The following CFAP47 variants were observed in gnomAD, a reference collection of about 807,000 sequenced individuals.
CFAP47 encodes cilia- and flagella-associated protein 47.
In CFAP47, 29 loss-of-function variants were observed where a neutral mutation model predicts 148.1. That is an observed-to-expected ratio of 0.20 (90% confidence interval 0.15 to 0.27). CFAP47 has a LOEUF of 0.27. CFAP47 is among the 10% of genes least tolerant of loss of function. CFAP47 has a pLI of 1.00. For missense variants in CFAP47, 1,872 were observed against 1,697.5 expected (o/e 1.10, Z -1.81); for synonymous variants, 664 against 577.3 (o/e 1.15, Z -2.15).
chrX:36,269,934 A>G (rs1162542385), intron 49 of CFAP47, among the ~76,000 whole-genome samples: 1 of 111,801 alleles, frequency 8.9e-6, no homozygotes, highest in Non-Finnish European at 1.9e-5. Flanking sequence ...ATGCTGTTTT[A>G]TTTTGTGCAA....
At chrX:36,380,723 G>A (rs1049258574) in intron 63 of CFAP47, among the ~76,000 whole-genome samples, 1 of 112,548 alleles carries the variant, frequency 8.9e-6, no homozygotes, top group African/African-American at 3.2e-5. Flanking sequence ...GATTACAGGC[G>A]TGAGCCACCA....
intron 21 of CFAP47, among the ~76,000 whole-genome samples, chrX:36,013,811 C>T (rs752727527): frequency 7.1e-5 from 8 of 112,014 alleles, no homozygotes; most frequent in Non-Finnish European, 1.5e-4. Flanking sequence ...AATTCATCCA[C>T]ATTATTGTAT....
Position 35,975,580 on chromosome X carries a change from A to G in CFAP47, c.2472-92A>G, listed in dbSNP as rs764606325. On this transcript the variant is annotated intron_variant, in intron 14 of 63. Coordinates refer to ENST00000378653, the MANE Select transcript of CFAP47 (RefSeq NM_001304548.2). ...TTACGTGCTAAGAATTGTGGATGTT[A>G]ATCAATGCTATGTGCATTTTACGTG... is the stretch of plus-strand genomic sequence containing the variant. The G allele has an allele frequency of 9.5e-5, 88 of 922,027 alleles. No individual in the cohort carries two copies. The African/African-American group carries it at 1.4e-3, about 15-fold the overall frequency. 76.0% of individuals were successfully genotyped at this position (922,027 alleles called of 1,213,427 possible). A position where few individuals can be genotyped will look rare whatever the true frequency, so the allele number is the denominator to read the frequency against.
intron 29 of CFAP47, among the ~76,000 whole-genome samples, chrX:36,076,914 A>G (rs1601963428): frequency 1.8e-5 from 2 of 111,641 alleles, no homozygotes; most frequent in South Asian, 3.7e-4. Context: ...GAATTTTTGT[A>G]TATGGTGAAA....
At chrX:36,197,491 C>T (rs1019787297) in intron 42 of CFAP47, among the ~76,000 whole-genome samples, 2 of 111,705 alleles carry the variant, frequency 1.8e-5, no homozygotes, top group Non-Finnish European at 3.8e-5. Flanking sequence ...TATCTAATTT[C>T]GTTGTTTTAT....
chrX:35,999,514 T>C (rs1936889941), intron 19 of CFAP47, among the ~76,000 whole-genome samples: 1 of 112,051 alleles, frequency 8.9e-6, no homozygotes, highest in South Asian at 3.7e-4. Context: ...TGAATCACGC[T>C]AAGGTCCAGT....
intron 56 of CFAP47, among the ~76,000 whole-genome samples, chrX:36,313,539 T>TATC (rs1941410684): frequency 1.8e-5 from 2 of 111,463 alleles, no homozygotes; most frequent in South Asian, 7.5e-4. Context: ...AGCTAAACCA[T>TATC]ATCAAATACC....
chrX:36,236,126 G>A, intron 47 of CFAP47, 49 bp downstream of exon 47: 1 of 397,975 alleles, frequency 2.5e-6, no homozygotes, highest in Admixed American at 4.6e-5. Context: ...AGTATCATTA[G>A]TTAATAAACT....
chrX:36,257,396 A>G (rs1403793966), intron 49 of CFAP47, among the ~76,000 whole-genome samples: 1 of 110,698 alleles, frequency 9.0e-6, no homozygotes, highest in Non-Finnish European at 1.9e-5. Context: ...ATTACACAAC[A>G]AGAATATTTT....
intron 57 of CFAP47, among the ~76,000 whole-genome samples, chrX:36,326,734 G>A (rs1216586823): frequency 9.0e-6 from 1 of 111,696 alleles, no homozygotes; most frequent in Admixed American, 9.6e-5. Flanking sequence ...TGACCTGGGA[G>A]CTCTTAAGAG....
chrX:36,105,742 A>T (rs1938456116), intron 33 of CFAP47, among the ~76,000 whole-genome samples: 1 of 112,409 alleles, frequency 8.9e-6, no homozygotes, highest in African/African-American at 3.2e-5. Flanking sequence ...ACTACACAAA[A>T]ACACATAAAA....
chrX:36,044,472 T>C (rs1203074763), intron 25 of CFAP47, among the ~76,000 whole-genome samples: 1 of 112,648 alleles, frequency 8.9e-6, no homozygotes. Flanking sequence ...AAAACTTGAA[T>C]GCTTTGCTGC....
intron 56 of CFAP47, among the ~76,000 whole-genome samples, chrX:36,317,237 A>T (rs1265292279): frequency 9.0e-6 from 1 of 111,717 alleles, no homozygotes; most frequent in Non-Finnish European, 1.9e-5. Flanking sequence ...GCATGGTTTT[A>T]TACTTAAGAA....
chrX:36,095,981 T>G (rs1323849337), intron 30 of CFAP47, among the ~76,000 whole-genome samples: 1 of 111,223 alleles, frequency 9.0e-6, no homozygotes. Context: ...TTTTGAAGTA[T>G]GTACTTACAG....
Position 36,367,109 on chromosome X carries a change from G to A in CFAP47, c.9167G>A (p.Arg3056Lys), listed in dbSNP as rs782124258. 53 of 1,150,733 alleles carry A rather than the reference G, an allele frequency of 4.6e-5. No homozygotes were observed. Among genetic ancestry groups the A allele is most frequent in the Non-Finnish European group, 6.1e-5 (53 of 863,555 alleles). 94.8% of individuals were successfully genotyped at this position (1,150,733 alleles called of 1,213,427 possible). Reference protein sequence around the residue: ...GLFKESVFELRLKSQTRNPEP... With the variant: ...GLFKESVFELKLKSQTRNPEP... ...TTTAAGGAATCTGTTTTTGAACTTAGGCTGAAAAGTCAGACAAGGTAATAT... is the reference window on the plus strand; with the variant it reads ...TTTAAGGAATCTGTTTTTGAACTTAAGCTGAAAAGTCAGACAAGGTAATAT... The change falls in exon 62 of 64, where the codon AGG becomes AAG. Residue 3056 changes from arginine to lysine, a missense_variant. Transcript: ENST00000378653.
At chrX:36,230,413 G>C (rs1325474449) in intron 46 of CFAP47, among the ~76,000 whole-genome samples, 4 of 109,363 alleles carry the variant, frequency 3.7e-5, no homozygotes, top group Admixed American at 9.8e-5. Flanking sequence ...GTCTTCTTTT[G>C]AGAAGTGTCT....
Position 36,302,154 on chromosome X carries a change from G to A in CFAP47, c.7970+975G>A, listed in dbSNP as rs782627742. 8.7e-4 allele frequency among the ~76,000 whole-genome samples: 95 copies of A among 109,710 alleles called. 2 individuals carry two copies. The South Asian group carries it at 0.035, about 41-fold the overall frequency. ...GCAGATGCTTACCAAAAAATGATGG[G>A]AAATCTGTCATGATTTTTAGTGTAT... On this transcript the variant is annotated intron_variant, in intron 53 of 63. Coordinates refer to ENST00000378653, the MANE Select transcript of CFAP47 (RefSeq NM_001304548.2).
intron 49 of CFAP47, among the ~76,000 whole-genome samples, chrX:36,267,577 C>A (rs1048166652): frequency 4.8e-5 from 5 of 104,644 alleles, no homozygotes; most frequent in African/African-American, 1.8e-4. Context: ...CTCCTGGGTT[C>A]ACGCCATTCT....
intron 49 of CFAP47, among the ~76,000 whole-genome samples, chrX:36,254,590 C>G (rs1405235952): frequency 9.0e-6 from 1 of 110,765 alleles, no homozygotes; most frequent in Non-Finnish European, 1.9e-5. Context: ...TTCTGTGTAC[C>G]CACTCCCAAA....
Sources: gnomAD v4.1 joint callset for allele counts (sites outside exome capture counted in the v4.1 genomes callset) on GRCh38, gnomAD v4.1.1 for gene constraint, MANE v1.5 for transcripts, NCBI Gene and HGNC (gene_info 2026-07-23, HGNC 2026-07-21) for gene names.